NRAP: variants seen among roughly 807,000 people sequenced by gnomAD.
The protein encoded by NRAP is nebulin-related-anchoring protein.
NRAP carries 189 observed loss-of-function variants against 225.9 expected under a neutral mutation model. The ratio of observed to expected loss-of-function variants is 0.84; its 90% CI spans 0.74 to 0.94. The LOEUF is 0.94. Ranked by LOEUF, NRAP falls within the 40% of genes least tolerant of loss-of-function variation. NRAP has a pLI of 0.00. For missense variants in NRAP, 2,176 were observed against 2,168.7 expected, an observed-to-expected ratio of 1.00 and a Z score of -0.07; for synonymous variants, 769 against 790.7, an observed-to-expected ratio of 0.97 and a Z score of 0.46.
Position 113,612,328 on chromosome 10 carries a change from T to C in NRAP, c.3404A>G (p.Asn1135Ser). ...HAKKAQTLASNQDYKHPLPQY... is the reference protein window; with the variant it reads ...HAKKAQTLASSQDYKHPLPQY... ...GGGCAGTGGATGTTTGTAGTCCTGA[T>C]TGCTGGCCAGGGTCTGAGCCTTCTT... The change falls in exon 30 of 42, where the codon AAT (asparagine) becomes AGT (serine). Residue 1135 changes from asparagine to serine, a missense_variant. By Grantham distance (46) the Asn-to-Ser change is conservative. Transcript: ENST00000359988. 1 of 1,614,214 alleles carries C rather than the reference T, an allele frequency of 6.2e-7. No individual in the cohort carries two copies. Among genetic ancestry groups the C allele is most frequent in the East Asian group, 2.2e-5 (1 of 44,886 alleles).
rs1554867329 is a variant in NRAP, at chr10:113,648,467, C to CTATATATATATA, written c.889-1452_889-1441dup. ...TCTCTCTCTCTCTCTCTCTCTCTCT[C>CTATATATATATA]TATATATATATATATATATATATGT... On this transcript the variant is annotated intron_variant, in intron 9 of 41. Coordinates refer to ENST00000359988, the MANE Select transcript of NRAP (RefSeq NM_198060.4). 2.2e-4 allele frequency among the ~76,000 whole-genome samples: 19 copies of CTATATATATATA among 87,382 alleles called. 1 individual carries two copies. The highest frequency in any genetic ancestry group is 7.9e-4 in the South Asian group (2 of 2,536). The allele number at this position is 87,382 out of a possible 152,430, so 57.3% of individuals were successfully genotyped here.
rs565999826 is a variant in NRAP at position 113,592,133 on chromosome 10, G to T, written c.4644+61C>A. 5 of 1,075,856 alleles carry T rather than the reference G, an allele frequency of 4.6e-6. No individual in the cohort carries two copies. In the South Asian group the frequency reaches 6.3e-5, roughly 13 times the overall value. The allele number at this position is 1,075,856 out of a possible 1,614,324, so 66.6% of individuals were successfully genotyped here. Reference sequence around the variant, plus strand: ...GGTCCTGGTGGTTTGCCTTTCAACAGAACTGGGAAAACCAGAGAAAAACTC... The same window carrying T: ...GGTCCTGGTGGTTTGCCTTTCAACATAACTGGGAAAACCAGAGAAAAACTC... On this transcript the variant is annotated intron_variant, in intron 39 of 41. Transcript: ENST00000359988.
Position 113,598,013 on chromosome 10 carries a change from G to A in NRAP, c.4288C>T (p.Pro1430Ser). 1 of 1,613,590 alleles carries A rather than the reference G, an allele frequency of 6.2e-7. No individual in the cohort carries two copies. Among genetic ancestry groups the A allele is most frequent in the Non-Finnish European group, 8.5e-7 (1 of 1,179,850 alleles). ...GCCTTCTTTGCACTCTCCATCTGTG[G>A]GGATCTCAGCGCCAGCCATCCTATG... is the stretch of plus-strand genomic sequence containing the variant. ...KGIGWLALRS[P>S]QMESAKKAGE... The change falls in exon 36 of 42, where the codon CCA becomes TCA. Residue 1430 changes from proline to serine, a missense_variant. Pro to Ser is a moderately conservative substitution (Grantham distance 74). Coordinates refer to ENST00000359988, the MANE Select transcript of NRAP (RefSeq NM_198060.4).
chr10:113,589,041 A>C lies in NRAP; in HGVS notation c.5127T>G (p.Ser1709Arg), dbSNP rs761279910. The change falls in exon 42 of 42, where the codon AGT (serine) becomes AGG (arginine). Residue 1709 changes from serine to arginine, a missense_variant. By Grantham distance (110) the Ser-to-Arg change is moderately radical. Around this residue, in one of 3 missense-constraint regions of NRAP, gnomAD observed 445 missense variants for 426.1 expected, o/e 1.04. Transcript: ENST00000359988. ...CAGTGGCATCTGGGTTCACCTCCCC[A>C]CTCTGATGATCTCCAGCCTCCACTG... ...AEAVEAGDHQSGEVNPDATEI... is the reference protein window; with the variant it reads ...AEAVEAGDHQRGEVNPDATEI... The C allele has an allele frequency of 1.9e-6, 3 of 1,613,272 alleles. No individual in the cohort carries two copies. The African/African-American group carries it at 4.0e-5, about 22-fold the overall frequency.
intron 37 of NRAP, among the ~76,000 whole-genome samples, chr10:113,596,411 A>G (rs1015560552): frequency 2.0e-5 from 3 of 152,242 alleles, no homozygotes; most frequent in Non-Finnish European, 4.4e-5. Flanking sequence ...ACCAGTCGGT[A>G]CAGTAGTCGG....
At chr10:113,626,166 C>A (rs759167412) in intron 20 of NRAP, 21 bp from the exon 21 acceptor site, 11 of 1,556,100 alleles carry the variant, frequency 7.1e-6, no homozygotes, top group African/African-American at 1.4e-5. Flanking sequence ...AGGAAAGGGA[C>A]CCCACAGCAT....
At chr10:113,639,796 T>C (rs1849093336) in intron 14 of NRAP, among the ~76,000 whole-genome samples, 1 of 152,226 alleles carries the variant, frequency 6.6e-6, no homozygotes, top group Non-Finnish European at 1.5e-5. Flanking sequence ...TGAGAAAAAA[T>C]GGAGTCAATA....
rs760338774 is a variant in NRAP, at chr10:113,615,699, G to A, written c.3078+13C>T. ...CCCGTCATTAAAACTCGTGCCCCTT[G>A]GGTCAGCCTCACCTCACTGATATTC... On this transcript the variant is annotated intron_variant, in intron 27 of 41. Coordinates refer to ENST00000359988, the MANE Select transcript of NRAP (RefSeq NM_198060.4). 1 of 1,499,844 alleles carries A rather than the reference G, an allele frequency of 6.7e-7. No homozygotes were observed. The highest frequency in any genetic ancestry group is 9.3e-7 in the Non-Finnish European group (1 of 1,075,856). 92.9% of individuals were successfully genotyped at this position (1,499,844 alleles called of 1,614,324 possible).
intron 14 of NRAP, among the ~76,000 whole-genome samples, chr10:113,636,312 T>G (rs904325129): frequency 2.0e-5 from 3 of 152,196 alleles, no homozygotes; most frequent in African/African-American, 7.2e-5. Context: ...TGGCCACTCT[T>G]GTACTGTTCT....
chr10:113,599,722 A>G (rs1199809016), intron 35 of NRAP, among the ~76,000 whole-genome samples: 2 of 152,200 alleles, frequency 1.3e-5, no homozygotes, highest in African/African-American at 4.8e-5. Context: ...ACTTCATGAT[A>G]AAAGAGGGGG....
chr10:113,612,203 G>C (rs759216705), intron 30 of NRAP, 31 bp downstream of exon 30: 1 of 1,588,148 alleles, frequency 6.3e-7, no homozygotes, highest in Non-Finnish European at 8.6e-7. Context: ...AGAGAAGAAG[G>C]GGCCCTGAGA....
At chr10:113,650,304 G>T in intron 8 of NRAP, 134 bp downstream of exon 8, 1 of 794,194 alleles carries the variant, frequency 1.3e-6, no homozygotes, top group Non-Finnish European at 2.1e-6. Flanking sequence ...TGGTAAAATT[G>T]ACTTAAAACT....
In NRAP at chr10:113,663,984, T is replaced by A; in HGVS notation, c.-102A>T. 1 of 858,582 alleles carries A rather than the reference T, an allele frequency of 1.2e-6. No homozygotes were observed. The highest frequency in any genetic ancestry group is 1.9e-5 in the Admixed American group (1 of 51,380). The allele number at this position is 858,582 out of a possible 1,614,324, so 53.2% of individuals were successfully genotyped here. ...CTTCAAAATCCGACGACCATAAAAT[T>A]CCTGTGGGCACCTCGATCTTTCAGA... is the stretch of plus-strand genomic sequence containing the variant. On this transcript the variant is annotated 5_prime_UTR_variant, in exon 1 of 42. Transcript: ENST00000359988.
intron 27 of NRAP, among the ~76,000 whole-genome samples, 169 bp downstream of exon 27, chr10:113,615,543 G>A (rs1847601267): frequency 6.6e-6 from 1 of 152,188 alleles, no homozygotes; most frequent in Non-Finnish European, 1.5e-5. Flanking sequence ...AGGGCCTAGT[G>A]CAGATGAAAA....
chr10:113,632,071 A>G, intron 16 of NRAP, 107 bp from the exon 17 acceptor site: 1 of 717,950 alleles, frequency 1.4e-6, no homozygotes, highest in East Asian at 2.5e-5. Context: ...TACAGACCAG[A>G]GGCTCGGCTG....
intron 9 of NRAP, among the ~76,000 whole-genome samples, chr10:113,648,467 C>CTCTCTCTCTCTATATATATATA (rs749486311): frequency 2.3e-5 from 2 of 87,382 alleles, no homozygotes; most frequent in African/African-American, 8.9e-5. Context: ...CTCTCTCTCT[C>CTCTCTCTCTCTATATATATATA]TATATATATA....
intron 15 of NRAP, 64 bp from the exon 16 acceptor site, chr10:113,633,252 A>G: frequency 2.2e-6 from 2 of 925,800 alleles, no homozygotes; most frequent in Non-Finnish European, 3.6e-6. Context: ...TTAGGGACCC[A>G]TAGCTCTTTC....
chr10:113,629,473 G>T, intron 19 of NRAP, 115 bp downstream of exon 19: 1 of 736,388 alleles, frequency 1.4e-6, no homozygotes, highest in Non-Finnish European at 2.3e-6. Flanking sequence ...ATTTCCTGCA[G>T]TTCTTCCTAG....
intron 35 of NRAP, among the ~76,000 whole-genome samples, chr10:113,598,437 G>A (rs772496708): frequency 5.3e-5 from 8 of 150,912 alleles, no homozygotes; most frequent in Non-Finnish European, 7.4e-5. Context: ...GCCATTACCC[G>A]CCTGCCTAAA....
Sources: allele counts gnomAD v4.1 joint callset (sites outside exome capture counted in the v4.1 genomes callset), GRCh38; gene constraint gnomAD v4.1.1; regional missense constraint gnomAD v4.1.1; transcripts MANE v1.5; gene names NCBI Gene and HGNC (gene_info 2026-07-23, HGNC 2026-07-21).